Variants in ABCC1 observed in about 807,000 individuals in gnomAD.
The protein encoded by ABCC1 is ATP binding cassette subfamily C member 1 (ABCC1 blood group), also known as multidrug resistance-associated protein 1.
In ABCC1, 83 loss-of-function variants were observed where a neutral mutation model predicts 172.9. That is an observed-to-expected ratio of 0.48 (90% CI 0.40 to 0.58). The LOEUF is 0.58. ABCC1 is among the 20% of genes least tolerant of loss of function. ABCC1 has a pLI of 0.00. For synonymous variants in ABCC1, 937 were observed against 825.2 expected (o/e 1.14, Z -2.32); for missense variants, 1,817 against 2,002.7 (o/e 0.91, Z 1.77).
At chr16:16,112,199 TAAATA>T (rs2052415532) in intron 22 of ABCC1, among the ~76,000 whole-genome samples, 2 of 151,970 alleles carry the variant, frequency 1.3e-5, no homozygotes, top group East Asian at 1.9e-4. Context: ...AAAAAATAGA[TAAATA>T]AAATAAACTA....
At chr16:16,056,701 G>A (rs1463240794) in intron 12 of ABCC1, 1 of 212,766 alleles carries the variant, frequency 4.7e-6, no homozygotes, top group Non-Finnish European at 9.5e-6. Flanking sequence ...ATGTCAGCAA[G>A]GCCTTCCCTG....
chr16:16,067,621 T>C (rs927330368), intron 12 of ABCC1, among the ~76,000 whole-genome samples: 2 of 152,122 alleles, frequency 1.3e-5, no homozygotes, highest in Non-Finnish European at 2.9e-5. Context: ...AGCGGAAATA[T>C]GGCAAAGTGT....
At chr16:16,032,302 T>C (rs1431267489) in intron 5 of ABCC1, among the ~76,000 whole-genome samples, 1 of 152,222 alleles carries the variant, frequency 6.6e-6, no homozygotes, top group Non-Finnish European at 1.5e-5. Flanking sequence ...AGGGATGATA[T>C]AATACTTTTA....
chr16:16,065,345 C>T (rs767600308), intron 12 of ABCC1, among the ~76,000 whole-genome samples: 1 of 152,172 alleles, frequency 6.6e-6, no homozygotes, highest in Non-Finnish European at 1.5e-5. Flanking sequence ...ACTGCAGCCT[C>T]GACCTCCTGG....
At chr16:16,009,987 G>T in intron 3 of ABCC1, 86 bp downstream of exon 3, 10 of 862,144 alleles carry the variant, frequency 1.2e-5, no homozygotes, top group Non-Finnish European at 1.0e-5. Flanking sequence ...TAGAATCATA[G>T]TTTTTTAAGG....
At chr16:16,109,672 G>T (rs2052301569) in intron 21 of ABCC1, among the ~76,000 whole-genome samples, 1 of 152,206 alleles carries the variant, frequency 6.6e-6, no homozygotes, top group East Asian at 1.9e-4. Context: ...GCTCCACAGG[G>T]AATATAGGAG....
At chr16:15,978,965 A>C (rs1464348418) in intron 1 of ABCC1, among the ~76,000 whole-genome samples, 1 of 152,162 alleles carries the variant, frequency 6.6e-6, no homozygotes, top group Non-Finnish European at 1.5e-5. Flanking sequence ...GGCAACAAGC[A>C]ACATATTAAT....
rs45621933 is a variant in ABCC1, at chr16:16,033,962, G to A, written c.677+792G>A. The stretch of plus-strand genomic sequence containing the variant: ...TCTTTTTGTATATCTTTTTCTGCCC[G>A]TTGTTAACATCTTAGTGGGGATTGT... On this transcript the variant is annotated intron_variant, in intron 6 of 30. Transcript: ENST00000399410. Among the ~76,000 whole-genome samples, 835 of 143,892 alleles carry A rather than the reference G, an allele frequency of 5.8e-3. 9 individuals are homozygous for A. Among genetic ancestry groups the A allele is most frequent in the African/African-American group, 0.02 (789 of 39,338 alleles). 94.4% of individuals were successfully genotyped at this position (143,892 alleles called of 152,430 possible).
intron 5 of ABCC1, among the ~76,000 whole-genome samples, chr16:16,025,536 T>TG (rs1167751435): frequency 6.6e-6 from 1 of 152,090 alleles, no homozygotes; most frequent in Non-Finnish European, 1.5e-5. Flanking sequence ...GCAGGGGTTG[T>TG]GGGGGGCACT....
At chr16:16,100,114 G>T (rs779526076) in intron 19 of ABCC1, among the ~76,000 whole-genome samples, 8 of 152,058 alleles carry the variant, frequency 5.3e-5, no homozygotes, top group Non-Finnish European at 8.8e-5. Context: ...ATGCTGAGAG[G>T]ATGGTGGACT....
chr16:15,994,463 T>TG (rs1186254089), intron 1 of ABCC1, among the ~76,000 whole-genome samples: 2 of 152,198 alleles, frequency 1.3e-5, no homozygotes, highest in Non-Finnish European at 2.9e-5. Flanking sequence ...GGACTGTGCT[T>TG]GGGAAGCACT....
intron 4 of ABCC1, 77 bp from the exon 5 acceptor site, chr16:16,016,419 G>T (rs1465092797): frequency 6.3e-6 from 10 of 1,576,358 alleles, no homozygotes; most frequent in African/African-American, 1.3e-5. Flanking sequence ...CTCCAAAAGT[G>T]CTAGGATTAC....
rs762893355 is a variant in ABCC1, at chr16:16,141,179, C to T, written c.4494C>T (p.Ile1498=). ...TGTATCCCCTCTCCCTCAGGGTGAT[C>T]GTCTTGGACAAAGGAGAAATCCAGG... ...LNTIMDYTRV[I]VLDKGEIQEY... Residue 1498 remains isoleucine, a synonymous_variant, in exon 31 of 31, where the codon ATC becomes ATT. Transcript: ENST00000399410. 2.4e-5 allele frequency: 38 copies of T among 1,613,702 alleles called. No homozygotes were observed. Among genetic ancestry groups the T allele is most frequent in the East Asian group, 2.0e-4 (9 of 44,890 alleles).
chr16:16,077,465 T>C (rs1567378244), intron 15 of ABCC1, among the ~76,000 whole-genome samples: 3 of 151,904 alleles, frequency 2.0e-5, no homozygotes, highest in African/African-American at 7.3e-5. Flanking sequence ...TCAGTTACCT[T>C]CCCCCCATGA....
chr16:15,973,245 T>C (rs1310557191), intron 1 of ABCC1, among the ~76,000 whole-genome samples: 1 of 152,166 alleles, frequency 6.6e-6, no homozygotes, highest in Non-Finnish European at 1.5e-5. Context: ...ATAGCACTAC[T>C]AAGAAAAAAA....
Position 15,949,794 on chromosome 16 carries a change from C to G in ABCC1, c.43C>G (p.Leu15Val). Residue 15 changes from leucine (L) to valine (V), a missense_variant, in exon 1 of 31, where the codon CTC becomes GTC. Physicochemically the swap from Leu to Val is conservative, Grantham distance 32. This residue lies in a region of ABCC1 where 398 missense variants were observed against 384.2 expected (regional missense o/e 1.04). Transcript: ENST00000399410. ...GFCSADGSDP[L>V]WDWNVTWNTS... ...CTGCAGCGCCGATGGCTCCGACCCG[C>G]TCTGGGTACGTGCCGGGGGCCGCGT... is the stretch of plus-strand genomic sequence containing the variant. 2 of 1,195,804 alleles carry G rather than the reference C, an allele frequency of 1.7e-6. No homozygotes were observed. Among genetic ancestry groups the G allele is most frequent in the Non-Finnish European group, 2.1e-6 (2 of 964,722 alleles). 74.1% of individuals were successfully genotyped at this position (1,195,804 alleles called of 1,614,324 possible). A position where few individuals can be genotyped will look rare whatever the true frequency, so the allele number is the denominator to read the frequency against.
At position 16,046,377 on chromosome 16, in the gene ABCC1, C is replaced by T. The variant is rs577893879; in HGVS notation, c.1218+364C>T. Among the ~76,000 whole-genome samples, 41 of 152,024 alleles carry T rather than the reference C, an allele frequency of 2.7e-4. 1 individual carries two copies. The highest frequency in any genetic ancestry group is 2.1e-4 in the Non-Finnish European group (14 of 67,982). ...TTCGTTTTTTTGAGACCAGGTCTCA[C>T]TCTCTCCCCCAGACTGGAGTGCAGT... On this transcript the variant is annotated intron_variant, in intron 9 of 30. Transcript: ENST00000399410.
At chr16:15,959,344 GAGAC>G (rs1316865792) in intron 1 of ABCC1, among the ~76,000 whole-genome samples, 4 of 151,272 alleles carry the variant, frequency 2.6e-5, no homozygotes, top group African/African-American at 9.7e-5. Flanking sequence ...TTTTTCTTTT[GAGAC>G]AGGGTCTCCC....
In ABCC1 at chr16:16,045,890, C is replaced by A. The variant is rs776470140; in HGVS notation, c.1095C>A (p.Phe365Leu). 6.2e-7 allele frequency: 1 copy of A among 1,614,162 alleles called. No homozygotes were observed. The highest frequency in any genetic ancestry group is 8.5e-7 in the Non-Finnish European group (1 of 1,180,030). The change falls in exon 9 of 31, where the codon TTC becomes TTA. Residue 365 changes from phenylalanine (F) to leucine (L), a missense_variant. Around this residue, in one of 3 missense-constraint regions of ABCC1, gnomAD observed 1,412 missense variants for 1,600.3 expected, o/e 0.88. Transcript: ENST00000399410. ...DTKAPDWQGYFYTVLLFVTAC... is the reference protein window; with the variant it reads ...DTKAPDWQGYLYTVLLFVTAC... Reference sequence around the variant, plus strand: ...AGGCCCCAGACTGGCAGGGCTACTTCTACACCGTGCTGCTGTTTGTCACTG... The same window carrying A: ...AGGCCCCAGACTGGCAGGGCTACTTATACACCGTGCTGCTGTTTGTCACTG...
Sources: allele counts gnomAD v4.1 joint callset (sites outside exome capture counted in the v4.1 genomes callset), GRCh38; gene constraint gnomAD v4.1.1; regional missense constraint gnomAD v4.1.1; transcripts MANE v1.5; gene names NCBI Gene and HGNC (gene_info 2026-07-23, HGNC 2026-07-21).